PPP6R3: variants seen among roughly 807,000 people sequenced by gnomAD.
PPP6R3 encodes serine/threonine-protein phosphatase 6 regulatory subunit 3.
In PPP6R3, 38 loss-of-function variants were observed where a neutral mutation model predicts 110.7. That is an observed-to-expected ratio of 0.34 (90% CI 0.26 to 0.45). The LOEUF (loss-of-function observed/expected upper bound fraction) is 0.45. Among genes scored for constraint, PPP6R3 ranks in the 20% least tolerant of loss-of-function variants. PPP6R3 has a pLI of 1.00. For synonymous variants in PPP6R3, 369 were observed against 373.5 expected (o/e 0.99, Z 0.14); for missense variants, 870 against 1,062.4 (o/e 0.82, Z 2.52).
intron 1 of PPP6R3, among the ~76,000 whole-genome samples, chr11:68,477,458 T>C (rs1355306214): frequency 1.3e-5 from 2 of 152,060 alleles, no homozygotes; most frequent in Admixed American, 6.6e-5. Flanking sequence ...CAGTGACTTA[T>C]GCCTGTTATC....
At chr11:68,510,571 G>A in intron 1 of PPP6R3, among the ~76,000 whole-genome samples, 1 of 151,970 alleles carries the variant, frequency 6.6e-6, no homozygotes, top group East Asian at 1.9e-4. Context: ...CCTGGGCTCA[G>A]GTGATCCTCC....
chr11:68,487,860 G>T (rs2098958262), intron 1 of PPP6R3, among the ~76,000 whole-genome samples: 2 of 152,122 alleles, frequency 1.3e-5, no homozygotes, highest in Admixed American at 1.3e-4. Context: ...ATAATGTATA[G>T]ATGTCAATTA....
intron 1 of PPP6R3, among the ~76,000 whole-genome samples, chr11:68,516,404 A>G (rs2099137062): frequency 6.6e-6 from 1 of 152,248 alleles, no homozygotes; most frequent in Non-Finnish European, 1.5e-5. Context: ...CCTTTAGGAT[A>G]TATGTATAAA....
intron 1 of PPP6R3, among the ~76,000 whole-genome samples, chr11:68,471,572 AGGAAAAGCCT>A (rs931102007): frequency 6.6e-6 from 1 of 152,188 alleles, no homozygotes; most frequent in African/African-American, 2.4e-5. Flanking sequence ...ATGGTGGTGC[AGGAAAAGCCT>A]GGAAGGGAGC....
rs183221072 is a variant in PPP6R3 at position 68,553,362 on chromosome 11, C to T, written c.619-783C>T. Among the ~76,000 whole-genome samples, 9 of 150,068 alleles carry T rather than the reference C, an allele frequency of 6.0e-5. No individual in the cohort carries two copies. In the East Asian group the frequency reaches 9.8e-4, roughly 16 times the overall value. ...AGGCTGGAGTGCAATGGTGCCATCT[C>T]GGCTCACCGCCACCTCTGCCTCCCA... On this transcript the variant is annotated intron_variant, in intron 6 of 23. Coordinates refer to ENST00000393800, the MANE Select transcript of PPP6R3 (RefSeq NM_001164161.2).
chr11:68,599,707 C>T (rs2099624820), intron 19 of PPP6R3, among the ~76,000 whole-genome samples: 1 of 152,218 alleles, frequency 6.6e-6, no homozygotes, highest in South Asian at 2.1e-4. Context: ...CTTCACTTAG[C>T]TTCCCCAAGT....
chr11:68,590,144 C>G (rs1404463354), intron 16 of PPP6R3, among the ~76,000 whole-genome samples: 1 of 152,218 alleles, frequency 6.6e-6, no homozygotes, highest in Non-Finnish European at 1.5e-5. Context: ...CCCTCCTCTT[C>G]AAACTTATGT....
chr11:68,506,042 T>A (rs940876649), intron 1 of PPP6R3, among the ~76,000 whole-genome samples: 6 of 151,782 alleles, frequency 4.0e-5, no homozygotes, highest in Non-Finnish European at 8.8e-5. Context: ...TGAGATTGTT[T>A]CCTTTTTTCC....
chr11:68,595,845 GGTGGTTCTTAGATT>G (rs997634255), intron 18 of PPP6R3, among the ~76,000 whole-genome samples: 4 of 152,186 alleles, frequency 2.6e-5, no homozygotes, highest in African/African-American at 9.7e-5. Flanking sequence ...CCTTCGAGAA[GGTGGTTCTTAGATT>G]GTGGCCTCCA....
chr11:68,612,337 T>G (rs1224431187), intron 23 of PPP6R3, among the ~76,000 whole-genome samples: 2 of 152,178 alleles, frequency 1.3e-5, no homozygotes, highest in Admixed American at 6.5e-5. Flanking sequence ...AGCTGTAAAT[T>G]GTGAATGCTA....
rs187638784 is a variant in PPP6R3 at position 68,527,848 on chromosome 11, G to T, written c.-7+8197G>T. Among the ~76,000 whole-genome samples the T allele has an allele frequency of 7.2e-5, 11 of 152,274 alleles. No individual in the cohort carries two copies. The East Asian group carries it at 1.7e-3, about 24-fold the overall frequency. ...TTGTCCTCAGGGCCTTCTCACTGCT[G>T]TGACTCCTGAAGCTACTGGGTCTTC... is the stretch of plus-strand genomic sequence containing the variant. On this transcript the variant is annotated intron_variant, in intron 2 of 23. Coordinates refer to ENST00000393800, the MANE Select transcript of PPP6R3 (RefSeq NM_001164161.2).
chr11:68,542,415 A>T, intron 3 of PPP6R3, among the ~76,000 whole-genome samples: 1 of 528 alleles, frequency 1.9e-3, no homozygotes. Flanking sequence ...TTTTTTTAAG[A>T]CAGAGTCTTG....
At chr11:68,511,026 G>A (rs2099105988) in intron 1 of PPP6R3, among the ~76,000 whole-genome samples, 1 of 150,218 alleles carries the variant, frequency 6.7e-6, no homozygotes, top group Non-Finnish European at 1.5e-5. Flanking sequence ...TCACTATTTA[G>A]TTTTTTCATT....
chr11:68,596,296 A>C (rs2099613717), intron 19 of PPP6R3, 78 bp downstream of exon 19: 2 of 1,572,620 alleles, frequency 1.3e-6, no homozygotes, highest in African/African-American at 2.7e-5. Flanking sequence ...GGAGCAGTTC[A>C]CAGCATCTGA....
chr11:68,549,744 G>C (rs552846698), intron 5 of PPP6R3, among the ~76,000 whole-genome samples: 1 of 152,302 alleles, frequency 6.6e-6, no homozygotes, highest in South Asian at 2.1e-4. Context: ...TCAAGTTTAG[G>C]ACCTGTCTGG....
rs150609768 is a variant in PPP6R3, at chr11:68,609,749, TTG to T, written c.2451-150_2451-149del. 5,929 of 1,554,508 alleles carry T rather than the reference TTG, an allele frequency of 3.8e-3. 211 individuals carry two copies. The African/African-American group carries it at 0.071, about 19-fold the overall frequency. On this transcript the variant is annotated intron_variant, in intron 22 of 23. Coordinates refer to ENST00000393800, the MANE Select transcript of PPP6R3 (RefSeq NM_001164161.2). ...GTGATTCCCCAGTCACTGTCTGTGG[TTG>T]TGTGATCGTGCACCCTGCGCATGCT...
chr11:68,569,888 A>T lies in PPP6R3; in HGVS notation c.1269A>T (p.Leu423Phe). 6.2e-7 allele frequency: 1 copy of T among 1,608,656 alleles called. No individual in the cohort carries two copies. The change falls in exon 11 of 24, where the codon TTA becomes TTT. Residue 423 changes from leucine (L) to phenylalanine (F), a missense_variant. Transcript: ENST00000393800. ...TDQDSTGDNL[L>F]LKHLFQKCQL... ...AAGACTCCACTGGTGATAATTTGTT[A>T]TTAAAACATGTAAGCTTATTTGGTC...
At chr11:68,474,883 A>G (rs2153277033) in intron 1 of PPP6R3, among the ~76,000 whole-genome samples, 1 of 152,150 alleles carries the variant, frequency 6.6e-6, no homozygotes, top group South Asian at 2.1e-4. Flanking sequence ...CATATTTGTA[A>G]TCACTAATAT....
At chr11:68,527,831 A>T (rs943854747) in intron 2 of PPP6R3, among the ~76,000 whole-genome samples, 1 of 152,100 alleles carries the variant, frequency 6.6e-6, no homozygotes, top group Non-Finnish European at 1.5e-5. Context: ...TGTTGTCCTC[A>T]GGGCCTTCTC....
Sources: gnomAD v4.1 joint callset for allele counts (sites outside exome capture counted in the v4.1 genomes callset) on GRCh38, gnomAD v4.1.1 for gene constraint, MANE v1.5 for transcripts, NCBI Gene and HGNC (gene_info 2026-07-23, HGNC 2026-07-21) for gene names.